The following IRAG1 variants were observed in gnomAD, a reference collection of about 807,000 sequenced individuals.
The protein encoded by IRAG1 is IP3R-associated cGMP kinase substrate.
A neutral mutation model predicts 106.2 loss-of-function variants in IRAG1; 62 were observed. The ratio of observed to expected loss-of-function variants is 0.58; its 90% CI spans 0.48 to 0.72. The LOEUF (loss-of-function observed/expected upper bound fraction) is 0.72. Among genes scored for constraint, IRAG1 ranks in the 30% least tolerant of loss-of-function variants. The probability of loss-of-function intolerance (pLI) is 0.00; values close to 1 mark genes in which losing one functional copy is unlikely to be tolerated. For missense variants in IRAG1, 1,064 were observed against 1,140.7 expected, an observed-to-expected ratio of 0.93 and a Z score of 0.97; for synonymous variants, 462 against 443.9, an observed-to-expected ratio of 1.04 and a Z score of -0.51.
At chr11:10,644,681 G>A (rs1029097587) in intron 2 of IRAG1, among the ~76,000 whole-genome samples, 1 of 152,190 alleles carries the variant, frequency 6.6e-6, no homozygotes, top group Admixed American at 6.5e-5. Flanking sequence ...GAAGCTGGGG[G>A]GCAGGGGGAT....
chr11:10,649,436 G>A (rs899611649), intron 2 of IRAG1, among the ~76,000 whole-genome samples: 6 of 152,116 alleles, frequency 3.9e-5, no homozygotes, highest in African/African-American at 1.2e-4. Flanking sequence ...CCCTTGTACT[G>A]GGTAACACAT....
At chr11:10,680,539 G>GAA (rs1491547949) in intron 1 of IRAG1, among the ~76,000 whole-genome samples, 2 of 127,332 alleles carry the variant, frequency 1.6e-5, no homozygotes, top group African/African-American at 7.2e-5. Context: ...AAGGAAGGAA[G>GAA]GGGAAGGGGA....
chr11:10,603,125 G>A lies in IRAG1; in HGVS notation c.1870C>T (p.Arg624Cys), dbSNP rs370614126. 32 of 1,609,362 alleles carry A rather than the reference G, an allele frequency of 2.0e-5. No individual in the cohort carries two copies. Among genetic ancestry groups the A allele is most frequent in the East Asian group, 1.6e-4 (7 of 44,722 alleles). The part of the protein sequence containing the change: ...SSRAEVVGAV[R>C]QEKRMSKATE... ...CGGGGGCTGGAGAGACTCACCTGGC[G>A]GACGGCGCCTACCACCTCAGCTCGG... The change falls in exon 14 of 21, where the codon CGC becomes TGC. Residue 624 changes from arginine (R) to cysteine (C), a missense_variant. By Grantham distance (180) the Arg-to-Cys change is radical (BLOSUM62 -3). Coordinates refer to ENST00000423302, the MANE Select transcript of IRAG1 (RefSeq NM_130385.4).
At chr11:10,690,913 C>T (rs982231435) in intron 1 of IRAG1, among the ~76,000 whole-genome samples, 1 of 152,200 alleles carries the variant, frequency 6.6e-6, no homozygotes, top group African/African-American at 2.4e-5. Context: ...GACTCAGCTC[C>T]CCAAGGGGCA....
chr11:10,594,298 C>CA, intron 15 of IRAG1, 103 bp from the exon 16 acceptor site: 1 of 1,115,160 alleles, frequency 9.0e-7, no homozygotes, highest in Non-Finnish European at 1.3e-6. Flanking sequence ...AGAACTGGCC[C>CA]TCAAGGGATA....
intron 2 of IRAG1, among the ~76,000 whole-genome samples, chr11:10,646,537 T>G (rs1026381860): frequency 2.0e-5 from 3 of 152,122 alleles, no homozygotes; most frequent in Non-Finnish European, 4.4e-5. Flanking sequence ...AGCCAGAGGT[T>G]CTAGGTGCTC....
At position 10,652,029 on chromosome 11, in the gene IRAG1, C is replaced by T. The variant is rs1858559162; in HGVS notation, c.221G>A (p.Gly74Asp). The stretch of plus-strand genomic sequence containing the variant: ...GGGCAGGGAGGGGGCACTTACTTGG[C>T]CGGCAGGGCTCTGGGCTGCCTGTGG... ...GEPQAAQSPA[G>D]QGPPAAGVSC... Residue 74 changes from glycine to aspartate, a missense_variant, in exon 2 of 21, where the codon GGC becomes GAC. Gly to Asp is a moderately conservative substitution (Grantham distance 94). Coordinates refer to ENST00000423302, the MANE Select transcript of IRAG1 (RefSeq NM_130385.4). The T allele has an allele frequency of 1.3e-6, 2 of 1,568,546 alleles. No individual in the cohort carries two copies. The highest frequency in any genetic ancestry group is 8.6e-7 in the Non-Finnish European group (1 of 1,158,188).
Position 10,628,300 on chromosome 11 carries a change from C to A in IRAG1, c.653-275G>T, listed in dbSNP as rs1240121605. On this transcript the variant is annotated intron_variant, in intron 6 of 20. Coordinates refer to ENST00000423302, the MANE Select transcript of IRAG1 (RefSeq NM_130385.4). This position sits in a 1 kb window ranked among gnomAD's most constrained non-coding sequence, Gnocchi z 4.1. ...CCAGGCTGCCTGGCCCCGACCTGAG[C>A]GTGCCCTGCCGCACTGATGAGGGCC... is the stretch of plus-strand genomic sequence containing the variant. 6.6e-6 allele frequency among the ~76,000 whole-genome samples: 1 copy of A among 152,188 alleles called. No homozygotes were observed. The highest frequency in any genetic ancestry group is 2.4e-5 in the African/African-American group (1 of 41,448).
intron 1 of IRAG1, among the ~76,000 whole-genome samples, chr11:10,664,734 G>A (rs146658382): frequency 1.3e-5 from 2 of 152,338 alleles, no homozygotes; most frequent in African/African-American, 4.8e-5. Flanking sequence ...GAACCAATGA[G>A]ATGCAAGAAG....
chr11:10,615,302 G>A (rs558832283), intron 10 of IRAG1, among the ~76,000 whole-genome samples: 9 of 152,294 alleles, frequency 5.9e-5, no homozygotes, highest in African/African-American at 2.2e-4. Flanking sequence ...GAGAGGATAT[G>A]GAGAAATAGG....
At chr11:10,581,683 C>T (rs1363505453) in intron 19 of IRAG1, among the ~76,000 whole-genome samples, 184 bp downstream of exon 19, 16 of 152,110 alleles carry the variant, frequency 1.1e-4, no homozygotes. Flanking sequence ...ACCCTCTGAC[C>T]CTGCTTCCTC....
intron 1 of IRAG1, among the ~76,000 whole-genome samples, chr11:10,674,115 A>T (rs1860462688): frequency 6.6e-6 from 1 of 152,230 alleles, no homozygotes. Flanking sequence ...AGCTCTGTGC[A>T]GTAGTAAACC....
At chr11:10,582,547 A>C (rs1364225535) in intron 18 of IRAG1, among the ~76,000 whole-genome samples, 1 of 152,258 alleles carries the variant, frequency 6.6e-6, no homozygotes, top group Non-Finnish European at 1.5e-5. Flanking sequence ...AATTCTGTAC[A>C]GTGACAGAAA....
chr11:10,590,355 G>A (rs1376724084), intron 18 of IRAG1, among the ~76,000 whole-genome samples: 1 of 152,166 alleles, frequency 6.6e-6, no homozygotes, highest in East Asian at 1.9e-4. Context: ...GCAAAGAGAC[G>A]AAATGCTGGG....
chr11:10,682,869 C>T (rs965786012), intron 1 of IRAG1, among the ~76,000 whole-genome samples: 2 of 152,092 alleles, frequency 1.3e-5, no homozygotes, highest in Non-Finnish European at 2.9e-5. Flanking sequence ...AATCCTGTCC[C>T]CTGGCCATGA....
rs576512232 is a variant in IRAG1 at position 10,576,020 on chromosome 11, T to A, written c.*312A>T. The A allele has an allele frequency of 2.9e-6, 1 of 345,530 alleles. No homozygotes were observed. Among genetic ancestry groups the A allele is most frequent in the South Asian group, 3.9e-5 (1 of 25,564 alleles). The allele number at this position is 345,530 out of a possible 1,614,324, so 21.4% of individuals were successfully genotyped here. ...CCCGCTCCTTACCCCCAACCACCAG[T>A]GAAGGTGTTTTAGTTCTCCCCAGCC... On this transcript the variant is annotated 3_prime_UTR_variant, in exon 21 of 21. Coordinates refer to ENST00000423302, the MANE Select transcript of IRAG1 (RefSeq NM_130385.4).
At chr11:10,623,718 T>C in intron 10 of IRAG1, 60 bp downstream of exon 10, 1 of 1,495,440 alleles carries the variant, frequency 6.7e-7, no homozygotes, top group Admixed American at 1.7e-5. Flanking sequence ...TTCACCTTCC[T>C]TGATCTGGCA....
intron 20 of IRAG1, among the ~76,000 whole-genome samples, chr11:10,578,987 G>A (rs992812025): frequency 2.0e-5 from 3 of 152,196 alleles, no homozygotes; most frequent in Admixed American, 1.3e-4. Context: ...GGGGAGGAAG[G>A]CAATGTGGTG....
At chr11:10,585,186 T>C (rs1851822508) in intron 18 of IRAG1, among the ~76,000 whole-genome samples, 1 of 152,188 alleles carries the variant, frequency 6.6e-6, no homozygotes, top group Non-Finnish European at 1.5e-5. Flanking sequence ...AACAAAGCTC[T>C]CATTGTCCTT....
Sources: allele counts gnomAD v4.1 joint callset (sites outside exome capture counted in the v4.1 genomes callset), GRCh38; gene constraint gnomAD v4.1.1; non-coding constraint Gnocchi (gnomAD v3.1); transcripts MANE v1.5; gene names NCBI Gene and HGNC (gene_info 2026-07-23, HGNC 2026-07-21).